Variants in GLDN observed in about 807,000 individuals in gnomAD.
GLDN encodes the protein collomin.
In GLDN, 47 loss-of-function variants were observed where a neutral mutation model predicts 56.5. The observed-to-expected ratio is 0.83, with a 90% CI of 0.66 to 1.06. GLDN has a LOEUF of 1.06. Ranked by LOEUF, GLDN falls within the 50% of genes least tolerant of loss-of-function variation. The probability of loss-of-function intolerance (pLI) is 0.00; values close to 1 mark genes in which losing one functional copy is unlikely to be tolerated. For synonymous variants in GLDN, 332 were observed against 278.8 expected, an observed-to-expected ratio of 1.19 and a Z score of -1.90; for missense variants, 782 against 714.3, an observed-to-expected ratio of 1.09 and a Z score of -1.08.
In GLDN at chr15:51,404,225, T is replaced by G. The variant is rs2459399; in HGVS notation, c.1179-52T>G. 0.2 allele frequency: 282,794 copies of G among 1,382,246 alleles called. 31,152 individuals carry two copies. Among genetic ancestry groups the G allele is most frequent in the African/African-American group, 0.33 (22,798 of 69,430 alleles). 85.6% of individuals were successfully genotyped at this position (1,382,246 alleles called of 1,614,324 possible). On this transcript the variant is annotated intron_variant, in intron 9 of 9. Transcript: ENST00000335449. ...TAATAGAGGAGCCTAATAAACCACC[T>G]GTCCACAGAAACGGTGATTCATGTC... is the stretch of plus-strand genomic sequence containing the variant.
chr15:51,406,871 T>C lies in GLDN; in HGVS notation c.*2117T>C, dbSNP rs375450082. ...CTAACAAAGAGTCTCATGTTCAAGA[T>C]CAATATGTCTAATAAGTGCTGGTGT... On this transcript the variant is annotated 3_prime_UTR_variant, in exon 10 of 10. Transcript: ENST00000335449. 5.8e-4 allele frequency: 88 copies of C among 152,344 alleles called. No individual in the cohort carries two copies. The highest frequency in any genetic ancestry group is 2.0e-3 in the African/African-American group (83 of 41,576). The allele number at this position is 152,344 out of a possible 1,614,324, so 9.4% of individuals were successfully genotyped here.
At position 51,382,295 on chromosome 15, in the gene GLDN, T is replaced by C. The variant is rs140541094; in HGVS notation, c.416-1141T>C. On this transcript the variant is annotated intron_variant, in intron 2 of 9. Transcript: ENST00000335449. Reference sequence around the variant, plus strand: ...ACTGTAGCTCTCTCATACTGCATTATGGTTTCAAAGAGTCCATCTTTCCCA... The same window carrying C: ...ACTGTAGCTCTCTCATACTGCATTACGGTTTCAAAGAGTCCATCTTTCCCA... Among the ~76,000 whole-genome samples the C allele has an allele frequency of 2.0e-3, 310 of 152,272 alleles. 2 individuals are homozygous for C. The highest frequency in any genetic ancestry group is 7.1e-3 in the African/African-American group (294 of 41,554).
At chr15:51,370,169 A>G (rs1268782769) in intron 1 of GLDN, among the ~76,000 whole-genome samples, 1 of 152,180 alleles carries the variant, frequency 6.6e-6, no homozygotes, top group Non-Finnish European at 1.5e-5. Flanking sequence ...CAGCTCTGGA[A>G]GCAAGCTAGG....
intron 1 of GLDN, 138 bp downstream of exon 1, chr15:51,342,185 G>A (rs2036899433): frequency 9.0e-7 from 1 of 1,114,862 alleles, no homozygotes; most frequent in East Asian, 2.5e-5. Flanking sequence ...GAGTAGCTGG[G>A]GATGTCACCT....
chr15:51,360,133 ACT>A (rs1223698239), intron 1 of GLDN: 1 of 152,188 alleles, frequency 6.6e-6, no homozygotes, highest in Non-Finnish European at 1.5e-5. Flanking sequence ...AAATTTGGAA[ACT>A]CTATTGAATT....
intron 2 of GLDN, among the ~76,000 whole-genome samples, chr15:51,377,899 C>T (rs1053987677): frequency 2.0e-5 from 3 of 152,128 alleles, no homozygotes; most frequent in Admixed American, 6.5e-5. Flanking sequence ...CTAGATGTTG[C>T]GGAGTGCTAG....
At chr15:51,347,267 T>A (rs1032163081) in intron 1 of GLDN, among the ~76,000 whole-genome samples, 1 of 152,194 alleles carries the variant, frequency 6.6e-6, no homozygotes, top group African/African-American at 2.4e-5. Flanking sequence ...TGGGAAAAGA[T>A]CTCTTCATTT....
chr15:51,407,828 G>C lies in GLDN; in HGVS notation c.*3074G>C, dbSNP rs995878030. 2.6e-5 allele frequency: 4 copies of C among 152,234 alleles called. No individual in the cohort carries two copies. The highest frequency in any genetic ancestry group is 9.6e-5 in the African/African-American group (4 of 41,474). The allele number at this position is 152,234 out of a possible 1,614,324, so 9.4% of individuals were successfully genotyped here. ...TGATCATCTGATGGCAAGTGAAGGA[G>C]AAATGAGTGATAGGGCTTTGCGTTT... On this transcript the variant is annotated 3_prime_UTR_variant, in exon 10 of 10. Transcript: ENST00000335449.
In GLDN at chr15:51,341,762, C is replaced by T; in HGVS notation, c.78C>T (p.Leu26=). 3 of 1,487,140 alleles carry T rather than the reference C, an allele frequency of 2.0e-6. No homozygotes were observed. Among genetic ancestry groups the T allele is most frequent in the Non-Finnish European group, 2.7e-6 (3 of 1,129,044 alleles). 92.1% of individuals were successfully genotyped at this position (1,487,140 alleles called of 1,614,324 possible). Residue 26 remains leucine (L), a synonymous_variant, in exon 1 of 10, where the codon CTC becomes CTT. Transcript: ENST00000335449. The part of the protein sequence containing the change: ...LRGALAAVAL[L]SALNAAGTVF... ...GCGCCCTGGCGGCCGTGGCGCTGCTCTCGGCGCTCAACGCTGCGGGCACGG... is the reference window on the plus strand; with the variant it reads ...GCGCCCTGGCGGCCGTGGCGCTGCTTTCGGCGCTCAACGCTGCGGGCACGG...
chr15:51,406,866 C>G lies in GLDN; in HGVS notation c.*2112C>G, dbSNP rs1403298115. ...GTTCTCTAACAAAGAGTCTCATGTT[C>G]AAGATCAATATGTCTAATAAGTGCT... On this transcript the variant is annotated 3_prime_UTR_variant, in exon 10 of 10. Transcript: ENST00000335449. 1 of 152,156 alleles carries G rather than the reference C, an allele frequency of 6.6e-6. No individual in the cohort carries two copies. The highest frequency in any genetic ancestry group is 1.5e-5 in the Non-Finnish European group (1 of 68,032). 9.4% of individuals were successfully genotyped at this position (152,156 alleles called of 1,614,324 possible). A position where few individuals can be genotyped will look rare whatever the true frequency, so the allele number is the denominator to read the frequency against.
chr15:51,397,655 G>C, intron 6 of GLDN, 57 bp downstream of exon 6: 1 of 1,466,446 alleles, frequency 6.8e-7, no homozygotes, highest in Non-Finnish European at 9.1e-7. Context: ...CAAACTCTTG[G>C]TCTGCTCCCC....
At chr15:51,409,844 G>T (rs2038447252), downstream of GLDN, among the ~76,000 whole-genome samples, 1 of 152,194 alleles carries the variant, frequency 6.6e-6, no homozygotes, top group Admixed American at 6.5e-5. Flanking sequence ...CGCTTCCAAA[G>T]ATTGGATTTG....
Position 51,341,997 on chromosome 15 carries a change from C to A in GLDN, c.313C>A (p.Arg105Ser). The A allele has an allele frequency of 6.3e-7, 1 of 1,597,852 alleles. No individual in the cohort carries two copies. Residue 105 changes from arginine to serine, a missense_variant, in exon 1 of 10, where the codon CGC becomes AGC. Coordinates refer to ENST00000335449, the MANE Select transcript of GLDN (RefSeq NM_181789.4). ...SHSGEPAPHIRAESHDMLMMM... is the reference protein window; with the variant it reads ...SHSGEPAPHISAESHDMLMMM... ...CAGCGGCGAGCCCGCGCCGCATATC[C>A]GCGCCGAGAGCCATGACATGCTGAT... is the stretch of plus-strand genomic sequence containing the variant.
intron 6 of GLDN, among the ~76,000 whole-genome samples, chr15:51,398,308 G>A (rs1190229720): frequency 2.9e-4 from 44 of 152,346 alleles, no homozygotes; most frequent in Non-Finnish European, 2.9e-4. Context: ...GACCTCTGGT[G>A]GACTTGTTCT....
At chr15:51,365,952 G>C (rs1432422922) in intron 1 of GLDN, among the ~76,000 whole-genome samples, 3 of 152,168 alleles carry the variant, frequency 2.0e-5, no homozygotes, top group Non-Finnish European at 2.9e-5. Flanking sequence ...TCCCCTTTAA[G>C]AAACAATTGT....
chr15:51,355,513 TTTTC>T (rs560055625), intron 1 of GLDN, among the ~76,000 whole-genome samples: 5,175 of 148,940 alleles, frequency 0.035, 85 homozygotes, highest in Middle Eastern at 0.12. Context: ...GCTTTTTTCT[TTTTC>T]TTTCTTTCTT....
chr15:51,366,456 G>T (rs2141071614), intron 1 of GLDN, among the ~76,000 whole-genome samples: 1 of 152,300 alleles, frequency 6.6e-6, no homozygotes, highest in East Asian at 1.9e-4. Context: ...TTAGGAAGGT[G>T]GTTATAATGA....
At chr15:51,381,269 C>G (rs2037753099) in intron 2 of GLDN, among the ~76,000 whole-genome samples, 1 of 152,188 alleles carries the variant, frequency 6.6e-6, no homozygotes, top group Non-Finnish European at 1.5e-5. Context: ...TGTGTACAGG[C>G]AAGTCTTGTG....
At chr15:51,353,891 AG>A (rs1368362658) in intron 1 of GLDN, among the ~76,000 whole-genome samples, 1 of 152,176 alleles carries the variant, frequency 6.6e-6, no homozygotes, top group African/African-American at 2.4e-5. Flanking sequence ...TACAGACTAA[AG>A]GTCATGTTGT....
Sources: gnomAD v4.1 joint callset for allele counts (sites outside exome capture counted in the v4.1 genomes callset) on GRCh38, gnomAD v4.1.1 for gene constraint, MANE v1.5 for transcripts, NCBI Gene and HGNC (gene_info 2026-07-23, HGNC 2026-07-21) for gene names.